The following MBNL1 variants were observed in gnomAD, a reference collection of about 807,000 sequenced individuals.
MBNL1 encodes muscleblind-like protein 1.
MBNL1 carries 8 observed loss-of-function variants against 42.2 expected under a neutral mutation model. That is an observed-to-expected ratio of 0.19 (90% confidence interval 0.11 to 0.34). The LOEUF (loss-of-function observed/expected upper bound fraction) is 0.34, where lower values mean the gene tolerates loss of function less well. Ranked by LOEUF, MBNL1 falls within the 10% of genes least tolerant of loss-of-function variation. The pLI is 1.00. For missense variants in MBNL1, 309 were observed against 495.3 expected, an observed-to-expected ratio of 0.62 and a Z score of 3.57; for synonymous variants, 169 against 173.9, an observed-to-expected ratio of 0.97 and a Z score of 0.22.
At chr3:152,269,266 G>C (rs913624854) in intron 1 of MBNL1, 174 bp downstream of exon 1, 2 of 354,780 alleles carry the variant, frequency 5.6e-6, no homozygotes, top group African/African-American at 4.3e-5. Context: ...TCCTGCCCGG[G>C]GGAAGGCGGG....
At chr3:152,338,178 G>T (rs2091752554) in intron 2 of MBNL1, 1 of 985,220 alleles carries the variant, frequency 1.0e-6, no homozygotes, top group Non-Finnish European at 1.2e-6. Context: ...TGCTAGAATG[G>T]CCTATCTCCA....
intron 6 of MBNL1, among the ~76,000 whole-genome samples, chr3:152,454,747 C>T (rs1181450128): frequency 6.6e-6 from 1 of 152,016 alleles, no homozygotes. Flanking sequence ...TTTTGTAGAA[C>T]ATTTGCTACT....
At chr3:152,276,540 G>A (rs982895937) in intron 1 of MBNL1, among the ~76,000 whole-genome samples, 10 of 151,864 alleles carry the variant, frequency 6.6e-5, no homozygotes, top group Admixed American at 2.6e-4. Context: ...GAACATAAAC[G>A]TTTGGAATAC....
At chr3:152,395,775 CCAAA>C (rs1236230677) in intron 2 of MBNL1, among the ~76,000 whole-genome samples, 1 of 152,230 alleles carries the variant, frequency 6.6e-6, no homozygotes, top group Non-Finnish European at 1.5e-5. Flanking sequence ...AGCCTTTACC[CCAAA>C]CAGATTGCTT....
intron 2 of MBNL1, chr3:152,340,530 A>G (rs2092877540): frequency 6.3e-7 from 1 of 1,584,772 alleles, no homozygotes; most frequent in Admixed American, 1.9e-5. Flanking sequence ...GAGATTTTTA[A>G]TTCTTCATGA....
At chr3:152,262,055 C>T (rs988739197) in intron 2 of MBNL1, among the ~76,000 whole-genome samples, 10 of 152,134 alleles carry the variant, frequency 6.6e-5, no homozygotes, top group Admixed American at 2.0e-4. Context: ...TGTCCCCAAC[C>T]GCTAGACTAT....
At chr3:152,352,966 CTTGT>C (rs1228650398) in intron 2 of MBNL1, among the ~76,000 whole-genome samples, 1 of 152,144 alleles carries the variant, frequency 6.6e-6, no homozygotes, top group Non-Finnish European at 1.5e-5. Flanking sequence ...ATGAAATGAA[CTTGT>C]TTAAGTCTAT....
intron 3 of MBNL1, among the ~76,000 whole-genome samples, chr3:152,430,548 G>T (rs2098992821): frequency 6.6e-6 from 1 of 152,186 alleles, no homozygotes; most frequent in Admixed American, 6.5e-5. Flanking sequence ...TTAGGGTGCT[G>T]GTCTGGCTGG....
Position 152,351,079 on chromosome 3 carries a change from C to CT in MBNL1, c.174+50722dup, listed in dbSNP as rs35508184. ...ATGGGGCAGATTATTATGTATCAGACTTTTTTTTTTCCTGTTTTTGGTTAA... is the reference window on the plus strand; with the variant it reads ...ATGGGGCAGATTATTATGTATCAGACTTTTTTTTTTTCCTGTTTTTGGTTAA... On this transcript the variant is annotated intron_variant, in intron 2 of 9. Transcript: ENST00000324210. 2.1e-3 allele frequency among the ~76,000 whole-genome samples: 319 copies of CT among 149,944 alleles called. 1 individual carries two copies. Among genetic ancestry groups the CT allele is most frequent in the Middle Eastern group, 3.4e-3 (1 of 294 alleles).
chr3:152,453,758 A>C (rs1316061769), intron 6 of MBNL1, among the ~76,000 whole-genome samples: 1 of 152,190 alleles, frequency 6.6e-6, no homozygotes. Context: ...TTCAAACTAA[A>C]ATTCAAATCA....
intron 8 of MBNL1, chr3:152,459,068 G>C (rs1262823746): frequency 2.4e-6 from 1 of 421,530 alleles, no homozygotes; most frequent in Non-Finnish European, 4.3e-6. Context: ...TTATAGAATA[G>C]TATTTAACAT....
chr3:152,332,755 C>T (rs530860521), intron 2 of MBNL1, among the ~76,000 whole-genome samples: 1 of 149,898 alleles, frequency 6.7e-6, no homozygotes, highest in East Asian at 2.0e-4. Context: ...CGCGCATGCG[C>T]ACACACTAGT....
At chr3:152,441,796 T>C (rs1427787342) in intron 4 of MBNL1, among the ~76,000 whole-genome samples, 2 of 152,176 alleles carry the variant, frequency 1.3e-5, no homozygotes, top group East Asian at 1.9e-4. Flanking sequence ...TATCAAACAA[T>C]ATTTTTTTTC....
At position 152,332,899 on chromosome 3, in the gene MBNL1, T is replaced by C. The variant is rs146367172; in HGVS notation, c.174+32532T>C. Among the ~76,000 whole-genome samples, 88 of 152,314 alleles carry C rather than the reference T, an allele frequency of 5.8e-4. No individual in the cohort carries two copies. In the East Asian group the frequency reaches 7.7e-3, roughly 13 times the overall value. ...TTCTCAGTCTTAACATTTGGGGACC[T>C]GAGTGCTTGATTTGAGCTGACTGAA... On this transcript the variant is annotated intron_variant, in intron 2 of 9. Transcript: ENST00000324210.
At chr3:152,369,104 T>C (rs2096551759) in intron 2 of MBNL1, among the ~76,000 whole-genome samples, 1 of 152,204 alleles carries the variant, frequency 6.6e-6, no homozygotes, top group Non-Finnish European at 1.5e-5. Flanking sequence ...TCAGAGGGAA[T>C]GCTTCCAGCT....
intron 2 of MBNL1, 63 bp downstream of exon 2, chr3:152,300,430 C>G: frequency 7.6e-7 from 1 of 1,312,246 alleles, no homozygotes; most frequent in Non-Finnish European, 1.1e-6. Flanking sequence ...TATGGACATA[C>G]AGTTCTCTGC....
chr3:152,415,161 C>G (rs772427049), intron 3 of MBNL1, 50 bp downstream of exon 3: 1 of 1,494,730 alleles, frequency 6.7e-7, no homozygotes, highest in Non-Finnish European at 9.0e-7. Context: ...TCAAAGTGCT[C>G]AGTTGTAGTA....
At chr3:152,323,848 G>T (rs1185409774) in intron 2 of MBNL1, among the ~76,000 whole-genome samples, 1 of 152,122 alleles carries the variant, frequency 6.6e-6, no homozygotes, top group Non-Finnish European at 1.5e-5. Context: ...CTGAAGCGTT[G>T]TTATACAGCT....
At chr3:152,437,921 G>A (rs2099100201) in intron 4 of MBNL1, among the ~76,000 whole-genome samples, 1 of 151,942 alleles carries the variant, frequency 6.6e-6, no homozygotes, top group African/African-American at 2.4e-5. Context: ...TTACAGATGT[G>A]TGCCACCATG....
Sources: allele counts gnomAD v4.1 joint callset (sites outside exome capture counted in the v4.1 genomes callset), GRCh38; gene constraint gnomAD v4.1.1; transcripts MANE v1.5; gene names NCBI Gene and HGNC (gene_info 2026-07-23, HGNC 2026-07-21).